Variants in IGSF11 observed in about 807,000 individuals in gnomAD.
IGSF11 encodes the protein immunoglobulin superfamily member 11, also known as CXADR like 1.
In IGSF11, 22 loss-of-function variants were observed where a neutral mutation model predicts 41.0. The ratio of observed to expected loss-of-function variants is 0.54; its 90% CI spans 0.38 to 0.77. The LOEUF (loss-of-function observed/expected upper bound fraction) is 0.77, where lower values mean the gene tolerates loss of function less well. IGSF11 is among the 30% of genes least tolerant of loss of function. The pLI is 0.00. For synonymous variants in IGSF11, 219 were observed against 201.3 expected, an observed-to-expected ratio of 1.09 and a Z score of -0.74; for missense variants, 444 against 530.8, an observed-to-expected ratio of 0.84 and a Z score of 1.61.
At position 119,130,258 on chromosome 3, in the gene IGSF11, C is replaced by T. The variant is rs146426489; in HGVS notation, c.-14+15555G>A. Among the ~76,000 whole-genome samples the T allele has an allele frequency of 2.1e-3, 320 of 152,304 alleles. 13 individuals are homozygous for T. Among genetic ancestry groups the T allele is most frequent in the Admixed American group, 0.019 (289 of 15,300 alleles). ...TGAGCCAAAGCAGGGCAGGGCATTG[C>T]CTCACCCAGAAAGTGCAAAGGGTTG... On this transcript the variant is annotated intron_variant, in intron 1 of 7. Coordinates refer to the IGSF11 transcript ENST00000425327.
chr3:119,127,217 A>C (rs555877141), intron 1 of IGSF11, among the ~76,000 whole-genome samples: 1 of 152,222 alleles, frequency 6.6e-6, no homozygotes, highest in African/African-American at 2.4e-5. Flanking sequence ...ACACAGCACA[A>C]GAATTTCATG....
chr3:119,072,631 G>A, intron 1 of IGSF11, among the ~76,000 whole-genome samples: 1 of 152,164 alleles, frequency 6.6e-6, no homozygotes. Flanking sequence ...CAGCTCTTAA[G>A]GCAGTGCGTC....
chr3:119,105,356 T>C (rs1201812511), upstream of IGSF11: 4 of 567,966 alleles, frequency 7.0e-6, no homozygotes, highest in Middle Eastern at 9.4e-4. Context: ...ATGGAAACCA[T>C]TTCATCAGAC....
intron 1 of IGSF11, among the ~76,000 whole-genome samples, chr3:119,088,431 A>G (rs1427368106): frequency 6.6e-6 from 1 of 152,172 alleles, no homozygotes; most frequent in East Asian, 1.9e-4. Context: ...AAGTAATGTT[A>G]AGAGGAAAGT....
At chr3:118,954,447 T>A (rs1944807397) in intron 1 of IGSF11, among the ~76,000 whole-genome samples, 1 of 152,106 alleles carries the variant, frequency 6.6e-6, no homozygotes, top group African/African-American at 2.4e-5. Flanking sequence ...TTCCAACACA[T>A]CTGCAGTGAC....
intron 1 of IGSF11, among the ~76,000 whole-genome samples, chr3:119,072,986 G>A (rs986350428): frequency 6.6e-6 from 1 of 152,048 alleles, no homozygotes; most frequent in African/African-American, 2.4e-5. Context: ...GTTCTGTTAA[G>A]TCCCCACTAG....
intron 1 of IGSF11, among the ~76,000 whole-genome samples, chr3:119,064,349 C>T (rs1942151832): frequency 6.6e-6 from 1 of 151,984 alleles, no homozygotes; most frequent in East Asian, 1.9e-4. Context: ...AATTAGATGG[C>T]TGAGTATGTG....
At chr3:118,987,924 C>T (rs1443458009) in intron 1 of IGSF11, among the ~76,000 whole-genome samples, 1 of 152,204 alleles carries the variant, frequency 6.6e-6, no homozygotes, top group African/African-American at 2.4e-5. Context: ...ACCATTACTC[C>T]AACTGGGCTT....
chr3:118,922,337 T>G (rs1435174547), intron 4 of IGSF11, among the ~76,000 whole-genome samples: 1 of 152,134 alleles, frequency 6.6e-6, no homozygotes, highest in Non-Finnish European at 1.5e-5. Context: ...TATATTTTGA[T>G]ATACATATAT....
intron 1 of IGSF11, among the ~76,000 whole-genome samples, chr3:119,052,768 C>G (rs1941677532): frequency 6.6e-6 from 1 of 151,976 alleles, no homozygotes; most frequent in Non-Finnish European, 1.5e-5. Context: ...CTAATCGAAT[C>G]CAACAGCTTA....
intron 1 of IGSF11, among the ~76,000 whole-genome samples, chr3:119,007,534 C>T (rs1020215542): frequency 6.6e-6 from 1 of 152,182 alleles, no homozygotes; most frequent in African/African-American, 2.4e-5. Flanking sequence ...ACCCTTCCAA[C>T]CTTTGGCAAA....
chr3:119,008,626 CCA>C (rs1937701177), intron 1 of IGSF11, among the ~76,000 whole-genome samples: 2 of 152,162 alleles, frequency 1.3e-5, no homozygotes, highest in Non-Finnish European at 2.9e-5. Context: ...CTGAATAAGT[CCA>C]CAGAGTGTTC....
intron 1 of IGSF11, among the ~76,000 whole-genome samples, chr3:119,102,953 T>C (rs1332162397): frequency 6.6e-6 from 1 of 151,792 alleles, no homozygotes; most frequent in African/African-American, 2.4e-5. Context: ...AGTGCATAAT[T>C]AAGGTTTGTT....
At chr3:118,923,587 C>CA (rs2107521095) in intron 4 of IGSF11, among the ~76,000 whole-genome samples, 1 of 152,258 alleles carries the variant, frequency 6.6e-6, no homozygotes, top group African/African-American at 2.4e-5. Flanking sequence ...TCATCTTAAC[C>CA]CACTTATGCC....
chr3:118,950,936 A>G (rs947936740), intron 1 of IGSF11, among the ~76,000 whole-genome samples: 3 of 152,160 alleles, frequency 2.0e-5, no homozygotes, highest in Non-Finnish European at 4.4e-5. Flanking sequence ...AGTACTGTGT[A>G]TTACAGGTCT....
At chr3:119,084,155 C>T (rs2107485438) in intron 1 of IGSF11, among the ~76,000 whole-genome samples, 1 of 152,076 alleles carries the variant, frequency 6.6e-6, no homozygotes, top group Non-Finnish European at 1.5e-5. Context: ...AAGTGCTGCT[C>T]CTACAGAGAA....
rs66923529 is a variant in IGSF11 at position 119,068,916 on chromosome 3, C to CTTT, written c.49+36225_49+36227dup. ...ATTTATGAGTGACAATGGTTATTTT[C>CTTT]TTTTTTTTTTCTTTTTTTTTTTTTT... On this transcript the variant is annotated intron_variant, in intron 1 of 6. Transcript: ENST00000354673. Among the ~76,000 whole-genome samples, 579 of 114,068 alleles carry CTTT rather than the reference C, an allele frequency of 5.1e-3. 1 individual carries two copies. The highest frequency in any genetic ancestry group is 0.012 in the African/African-American group (332 of 27,124). The allele number at this position is 114,068 out of a possible 152,430, so 74.8% of individuals were successfully genotyped here.
At chr3:118,924,618 A>T (rs1034963268) in intron 4 of IGSF11, among the ~76,000 whole-genome samples, 3 of 152,170 alleles carry the variant, frequency 2.0e-5, no homozygotes, top group Non-Finnish European at 2.9e-5. Context: ...TCAAGTTGAA[A>T]AAAGGATATG....
At chr3:119,109,149 G>A (rs1394794451), upstream of IGSF11, among the ~76,000 whole-genome samples, 9 of 139,512 alleles carry the variant, frequency 6.5e-5, no homozygotes, top group African/African-American at 2.4e-4. Flanking sequence ...GATTGGAATA[G>A]TTTCAGAAGG....
Sources: allele counts gnomAD v4.1 joint callset (sites outside exome capture counted in the v4.1 genomes callset), GRCh38; gene constraint gnomAD v4.1.1; transcripts MANE v1.5; gene names NCBI Gene and HGNC (gene_info 2026-07-23, HGNC 2026-07-21).